The following FAM193B variants were observed in gnomAD, a reference collection of about 807,000 sequenced individuals.
FAM193B encodes the protein family with sequence similarity 193 member B, also known as protein FAM193B.
FAM193B carries 27 observed loss-of-function variants against 70.7 expected under a neutral mutation model. The observed-to-expected ratio is 0.38, with a 90% confidence interval of 0.28 to 0.53. The LOEUF is 0.53. Ranked by LOEUF, FAM193B falls within the 20% of genes least tolerant of loss-of-function variation. FAM193B has a pLI of 0.81. For missense variants in FAM193B, 1,022 were observed against 1,072.5 expected (o/e 0.95, Z 0.66); for synonymous variants, 448 against 436.0 (o/e 1.03, Z -0.34).
chr5:177,531,529 T>TGGGGGGGGGGG, intron 5 of FAM193B: 16 of 487,940 alleles, frequency 3.3e-5, no homozygotes, highest in Middle Eastern at 6.1e-4. Flanking sequence ...TGGCTGGGGG[T>TGGGGGGGGGGG]GGGGGGGAGG....
intron 1 of FAM193B, chr5:177,553,854 G>A (rs976920250): frequency 3.1e-6 from 4 of 1,272,548 alleles, no homozygotes; most frequent in African/African-American, 3.1e-5. Flanking sequence ...AGAGGCTGCA[G>A]TCGTCCAGTC....
chr5:177,524,755 C>A lies in FAM193B; in HGVS notation c.1726G>T (p.Gly576Cys). Residue 576 changes from glycine to cysteine, a missense_variant, in exon 6 of 9, where the codon GGT becomes TGT. Physicochemically the swap from Gly to Cys is radical, Grantham distance 159 (BLOSUM62 -3). Transcript: ENST00000514747. ...ACGAGCCCGTTCTCGGGGACGATAC[C>A]GGGAGGGGGCCCCCTCACCTCTGTC... ...PWTEVRGPPPGIVPENGLVRR... is the reference protein window; with the variant it reads ...PWTEVRGPPPCIVPENGLVRR... The A allele has an allele frequency of 6.5e-7, 1 of 1,530,630 alleles. No homozygotes were observed. The allele number at this position is 1,530,630 out of a possible 1,614,324, so 94.8% of individuals were successfully genotyped here.
At chr5:177,529,157 C>T (rs531935756) in intron 5 of FAM193B, among the ~76,000 whole-genome samples, 1 of 151,966 alleles carries the variant, frequency 6.6e-6, no homozygotes, top group Non-Finnish European at 1.5e-5. Context: ...GCCAGGGGTG[C>T]AGTTTTTAAG....
chr5:177,523,361 TG>T (rs1280610200), intron 7 of FAM193B: 32 of 246,428 alleles, frequency 1.3e-4, no homozygotes, highest in Admixed American at 2.8e-4. Context: ...TTTTGTGTTT[TG>T]TTTTTTTTCC....
At chr5:177,547,170 G>T (rs1214878997) in intron 1 of FAM193B, 2 of 152,092 alleles carry the variant, frequency 1.3e-5, no homozygotes, top group Non-Finnish European at 2.9e-5. Context: ...TAAAGTACCT[G>T]GCCTGGGCCT....
At chr5:177,541,505 G>A (rs970546922) in intron 1 of FAM193B, among the ~76,000 whole-genome samples, 1 of 151,782 alleles carries the variant, frequency 6.6e-6, no homozygotes, top group East Asian at 1.9e-4. Flanking sequence ...TGCAAGCTCC[G>A]CCTCCCAGGT....
chr5:177,538,164 C>G lies in FAM193B; in HGVS notation c.454-57G>C. On this transcript the variant is annotated intron_variant, in intron 2 of 8. Transcript: ENST00000514747. The surrounding 1 kb of genome is among the most constrained non-coding windows in gnomAD (Gnocchi z 4.1). ...CAAACAGCAAACATCGGAGCTGACC[C>G]TCTGCTGCCTCAGCTTTTCCTGAGG... The G allele has an allele frequency of 6.8e-7, 1 of 1,470,176 alleles. No individual in the cohort carries two copies. The highest frequency in any genetic ancestry group is 9.1e-7 in the Non-Finnish European group (1 of 1,103,480). 91.1% of individuals were successfully genotyped at this position (1,470,176 alleles called of 1,614,324 possible). A position where few individuals can be genotyped will look rare whatever the true frequency, so the allele number is the denominator to read the frequency against.
Position 177,554,351 on chromosome 5 carries a change from G to T in FAM193B, c.108C>A (p.Ser36Arg). 8.1e-7 allele frequency: 1 copy of T among 1,230,978 alleles called. No individual in the cohort carries two copies. Among genetic ancestry groups the T allele is most frequent in the South Asian group, 3.6e-5 (1 of 27,748 alleles). 76.3% of individuals were successfully genotyped at this position (1,230,978 alleles called of 1,614,324 possible). A position where few individuals can be genotyped will look rare whatever the true frequency, so the allele number is the denominator to read the frequency against. Residue 36 changes from serine (S) to arginine (R), a missense_variant, in exon 1 of 9, where the codon AGC (serine) becomes AGA (arginine). Transcript: ENST00000514747. ...PQAPEPPPPP[S>R]LEAGAGAGPP... is the part of the protein sequence containing the mutation. ...GGCCTGCACCCGCTCCCGCCTCCAG[G>T]CTTGGCGGCGGCGGGGGCTCGGGCG...
At chr5:177,543,364 T>G (rs975550192) in intron 1 of FAM193B, among the ~76,000 whole-genome samples, 1 of 152,212 alleles carries the variant, frequency 6.6e-6, no homozygotes, top group African/African-American at 2.4e-5. Flanking sequence ...AGCACTTAGC[T>G]CAAGGGATCC....
intron 4 of FAM193B, among the ~76,000 whole-genome samples, chr5:177,533,229 C>T (rs910566393): frequency 1.3e-5 from 2 of 151,646 alleles, no homozygotes; most frequent in Non-Finnish European, 2.9e-5. Flanking sequence ...CCACAGGGCA[C>T]GGAGTTGAGA....
Position 177,524,724 on chromosome 5 carries a change from C to G in FAM193B, c.1757G>C (p.Arg586Thr), listed in dbSNP as rs1334728955. ...GGATAGGTTGGGCACGGTGTTGAGT[C>G]TCCTCACGAGCCCGTTCTCGGGGAC... ...GIVPENGLVR[R>T]LNTVPNLSRV... Residue 586 changes from arginine (R) to threonine (T), a missense_variant, in exon 6 of 9, where the codon AGA becomes ACA. Transcript: ENST00000514747. 1.9e-6 allele frequency: 3 copies of G among 1,570,968 alleles called. No individual in the cohort carries two copies. The African/African-American group carries it at 4.1e-5, about 21-fold the overall frequency.
chr5:177,536,733 G>C lies in FAM193B; in HGVS notation c.701C>G (p.Pro234Arg). 6.4e-7 allele frequency: 1 copy of C among 1,556,878 alleles called. No individual in the cohort carries two copies. The highest frequency in any genetic ancestry group is 8.7e-7 in the Non-Finnish European group (1 of 1,151,862). Residue 234 changes from proline (P) to arginine (R), a missense_variant, in exon 4 of 9, where the codon CCC (proline) becomes CGC (arginine). Pro to Arg is a moderately radical substitution (Grantham distance 103). Transcript: ENST00000514747. ...TGAGTGCTGGTGGTGCTCCGAGACG[G>C]GGAAAGCCTCACCTGTGGGCAGAGG... ...SPPTIPGEAFPVSEHHQHSDL... is the reference protein window; with the variant it reads ...SPPTIPGEAFRVSEHHQHSDL...
At chr5:177,545,201 G>A (rs555657191) in intron 1 of FAM193B, among the ~76,000 whole-genome samples, 6 of 152,098 alleles carry the variant, frequency 3.9e-5, no homozygotes, top group Admixed American at 1.3e-4. Flanking sequence ...CTGCCAATAC[G>A]CCTGACTAAT....
At position 177,532,437 on chromosome 5, in the gene FAM193B, A is replaced by C; in HGVS notation, c.1275+6T>G. On this transcript the variant is annotated splice_donor_region_variant and intron_variant, in intron 5 of 8. Transcript: ENST00000514747. The surrounding 1 kb of genome is among the most constrained non-coding windows in gnomAD (Gnocchi z 4.9). ...AGCCCTCTCTAGCCTGGGCAGGCTC[A>C]CTCACCGCATTGTGGCCGAAGAACT... 1.9e-6 allele frequency: 3 copies of C among 1,607,770 alleles called. No individual in the cohort carries two copies. The highest frequency in any genetic ancestry group is 2.5e-6 in the Non-Finnish European group (3 of 1,177,688).
At position 177,525,156 on chromosome 5, in the gene FAM193B, C is replaced by A. The variant is rs767335893; in HGVS notation, c.1325G>T (p.Arg442Leu). The change falls in exon 6 of 9, where the codon CGT becomes CTT. Residue 442 changes from arginine to leucine, a missense_variant. By Grantham distance (102) the Arg-to-Leu change is moderately radical. Transcript: ENST00000514747. ...LAAEALKQAN[R>L]VSGSREPRPA... ...CCTTGGCTCCCGGCTTCCAGAAACACGATTTGCCTGCTTTAGAGCTTCTGC... is the reference window on the plus strand; with the variant it reads ...CCTTGGCTCCCGGCTTCCAGAAACAAGATTTGCCTGCTTTAGAGCTTCTGC... 2 of 1,516,292 alleles carry A rather than the reference C, an allele frequency of 1.3e-6. No homozygotes were observed. The highest frequency in any genetic ancestry group is 1.4e-5 in the African/African-American group (1 of 71,260). 93.9% of individuals were successfully genotyped at this position (1,516,292 alleles called of 1,614,324 possible).
At chr5:177,535,844 A>AT (rs960436333) in intron 4 of FAM193B, among the ~76,000 whole-genome samples, 1 of 152,134 alleles carries the variant, frequency 6.6e-6, no homozygotes, top group Non-Finnish European at 1.5e-5. Context: ...TTGTGAAGAC[A>AT]TTTTTTTCCT....
chr5:177,525,253 C>T (rs758057334), intron 5 of FAM193B, 48 bp from the exon 6 acceptor site: 10 of 1,420,138 alleles, frequency 7.0e-6, no homozygotes, highest in Non-Finnish European at 9.3e-6. Context: ...AACTGCCAGG[C>T]ACAATGTGAT....
intron 1 of FAM193B, among the ~76,000 whole-genome samples, chr5:177,541,114 C>G (rs1052902431): frequency 2.0e-5 from 3 of 152,288 alleles, no homozygotes; most frequent in Non-Finnish European, 4.4e-5. Flanking sequence ...ACAAAAGATA[C>G]AGCCTAAATC....
At chr5:177,549,310 A>G (rs1051168011) in intron 1 of FAM193B, among the ~76,000 whole-genome samples, 1 of 148,944 alleles carries the variant, frequency 6.7e-6, no homozygotes, top group Admixed American at 6.8e-5. Context: ...CTCCTGCCTC[A>G]GCCTCCAAAG....
Sources: allele counts gnomAD v4.1 joint callset (sites outside exome capture counted in the v4.1 genomes callset), GRCh38; gene constraint gnomAD v4.1.1; non-coding constraint Gnocchi (gnomAD v3.1); transcripts MANE v1.5; gene names NCBI Gene and HGNC (gene_info 2026-07-23, HGNC 2026-07-21).